GALNT13: variants seen among roughly 807,000 people sequenced by gnomAD.
GALNT13 encodes the protein polypeptide N-acetylgalactosaminyltransferase 13.
In GALNT13, 28 loss-of-function variants were observed where a neutral mutation model predicts 64.2. That is an observed-to-expected ratio of 0.44 (90% CI 0.32 to 0.60). GALNT13 has a LOEUF of 0.60. Among genes scored for constraint, GALNT13 ranks in the 20% least tolerant of loss-of-function variants. The probability of loss-of-function intolerance (pLI) is 0.05; values close to 1 mark genes in which losing one functional copy is unlikely to be tolerated. For synonymous variants in GALNT13, 214 were observed against 224.6 expected (o/e 0.95, Z 0.42); for missense variants, 577 against 669.8 (o/e 0.86, Z 1.53).
chr2:153,908,887 GT>G (rs1354548749), intron 2 of GALNT13, among the ~76,000 whole-genome samples: 1 of 151,874 alleles, frequency 6.6e-6, no homozygotes, highest in Non-Finnish European at 1.5e-5. Context: ...CTCTTTTTTG[GT>G]TCCATATGAA....
At chr2:153,293,603 G>GT in the GALNT13 span, among the ~76,000 whole-genome samples, 1 of 152,130 alleles carries the variant, frequency 6.6e-6, no homozygotes, top group South Asian at 2.1e-4. Context: ...CTCCAGAATT[G>GT]TAAGACAAGA....
the GALNT13 span, among the ~76,000 whole-genome samples, chr2:153,693,474 G>A: frequency 6.6e-6 from 1 of 152,086 alleles, no homozygotes; most frequent in Non-Finnish European, 1.5e-5. Flanking sequence ...TCTATAGGTT[G>A]TAAACCAAAA....
At chr2:153,239,815 G>A in the GALNT13 span, among the ~76,000 whole-genome samples, 1 of 152,086 alleles carries the variant, frequency 6.6e-6, no homozygotes, top group East Asian at 1.9e-4. Context: ...GCCTGGTTTG[G>A]TATCAGGTTA....
chr2:154,342,622 C>T (rs942426331), intron 9 of GALNT13, among the ~76,000 whole-genome samples: 3 of 152,012 alleles, frequency 2.0e-5, no homozygotes, highest in Admixed American at 6.6e-5. Context: ...TTACAACACA[C>T]ATGCTTATTT....
the GALNT13 span, among the ~76,000 whole-genome samples, chr2:153,149,676 C>T: frequency 1.6e-4 from 24 of 151,768 alleles, no homozygotes; most frequent in Admixed American, 1.6e-3. Context: ...TTAAGTCACT[C>T]AGATTTTAGG....
the GALNT13 span, among the ~76,000 whole-genome samples, chr2:153,221,267 A>AGAG: frequency 6.6e-6 from 1 of 152,148 alleles, no homozygotes; most frequent in Non-Finnish European, 1.5e-5. Flanking sequence ...GGCGACAGGG[A>AGAG]GAGACTCTGT....
At chr2:154,080,164 AC>A (rs1393840284) in intron 3 of GALNT13, among the ~76,000 whole-genome samples, 1 of 151,552 alleles carries the variant, frequency 6.6e-6, no homozygotes, top group Non-Finnish European at 1.5e-5. Flanking sequence ...TACTGTGGGA[AC>A]CTTTATTTAA....
chr2:153,312,657 C>T, the GALNT13 span, among the ~76,000 whole-genome samples: 1 of 152,160 alleles, frequency 6.6e-6, no homozygotes, highest in African/African-American at 2.4e-5. Context: ...AATGTCCTTA[C>T]ATCAGCAAAT....
At chr2:154,308,226 A>C (rs1356031883) in intron 9 of GALNT13, among the ~76,000 whole-genome samples, 1 of 152,130 alleles carries the variant, frequency 6.6e-6, no homozygotes, top group Non-Finnish European at 1.5e-5. Context: ...CACAAACCAC[A>C]CAATTACAGA....
intron 8 of GALNT13, among the ~76,000 whole-genome samples, chr2:154,295,641 AG>A (rs1692880232): frequency 6.6e-6 from 1 of 152,026 alleles, no homozygotes; most frequent in Non-Finnish European, 1.5e-5. Context: ...CCAAAGTGCT[AG>A]GATTACAGGT....
At chr2:154,301,876 A>AATT (rs1559078646) in intron 9 of GALNT13, among the ~76,000 whole-genome samples, 1 of 152,102 alleles carries the variant, frequency 6.6e-6, no homozygotes, top group Non-Finnish European at 1.5e-5. Context: ...TATTAACTCG[A>AATT]ATTAAGAATA....
chr2:154,413,718 A>G (rs1288938915), intron 11 of GALNT13, among the ~76,000 whole-genome samples: 2 of 152,014 alleles, frequency 1.3e-5, no homozygotes, highest in Non-Finnish European at 2.9e-5. Flanking sequence ...TGCTCCACTA[A>G]AAAACTTAAG....
chr2:153,361,816 G>A, the GALNT13 span, among the ~76,000 whole-genome samples: 9 of 152,124 alleles, frequency 5.9e-5, no homozygotes, highest in South Asian at 4.1e-4. Context: ...TACTATCCAG[G>A]AAAACTTCCC....
chr2:153,877,942 A>G (rs536883968), intron 1 of GALNT13, among the ~76,000 whole-genome samples: 7 of 152,148 alleles, frequency 4.6e-5, no homozygotes, highest in Admixed American at 2.0e-4. Flanking sequence ...TACTGTTGCC[A>G]TTGTATAAAT....
intron 3 of GALNT13, among the ~76,000 whole-genome samples, chr2:153,949,153 C>T (rs1219216234): frequency 6.6e-6 from 1 of 152,004 alleles, no homozygotes; most frequent in Non-Finnish European, 1.5e-5. Flanking sequence ...ACCATACAGC[C>T]TAAGTGTGCA....
chr2:153,790,624 A>G, the GALNT13 span, among the ~76,000 whole-genome samples: 2 of 152,210 alleles, frequency 1.3e-5, no homozygotes, highest in South Asian at 4.1e-4. Context: ...AGAGGAAGAA[A>G]TAAAAGGAAT....
rs920696718 is a variant in GALNT13 at position 154,032,392 on chromosome 2, C to T, written c.142+87753C>T. On this transcript the variant is annotated intron_variant, in intron 3 of 12. Coordinates refer to ENST00000392825, the MANE Select transcript of GALNT13 (RefSeq NM_052917.4). ...ATATAAATTCTACCCAGTCACTTCC[C>T]GAAAGGAGAAGTAGCACTTTCGATT... Among the ~76,000 whole-genome samples, 15 of 151,734 alleles carry T rather than the reference C, an allele frequency of 9.9e-5. 1 individual carries two copies. The highest frequency in any genetic ancestry group is 9.9e-4 in the Admixed American group (15 of 15,188).
chr2:154,417,872 A>G (rs1700091120), intron 11 of GALNT13, among the ~76,000 whole-genome samples: 1 of 152,044 alleles, frequency 6.6e-6, no homozygotes, highest in South Asian at 2.1e-4. Flanking sequence ...CCATCTCTAT[A>G]TAGTGCTGTA....
At chr2:153,369,307 A>G in the GALNT13 span, among the ~76,000 whole-genome samples, 5 of 152,092 alleles carry the variant, frequency 3.3e-5, no homozygotes, top group Non-Finnish European at 7.4e-5. Context: ...TAAATATAAA[A>G]TCGTATGTCA....
Sources: gnomAD v4.1 joint callset for allele counts (sites outside exome capture counted in the v4.1 genomes callset) on GRCh38, gnomAD v4.1.1 for gene constraint, MANE v1.5 for transcripts, NCBI Gene and HGNC (gene_info 2026-07-23, HGNC 2026-07-21) for gene names.